RPS24: variants seen among roughly 807,000 people sequenced by gnomAD.
The protein encoded by RPS24 is ribosomal protein S24.
For synonymous variants in RPS24, 72 were observed against 55.6 expected (o/e 1.30, Z -1.31); for missense variants, 100 against 162.5 (o/e 0.62, Z 2.09).
chr10:78,050,425 A>T (rs1385215203), intron 4 of RPS24, among the ~76,000 whole-genome samples: 1 of 152,196 alleles, frequency 6.6e-6, no homozygotes, highest in African/African-American at 2.4e-5. Context: ...CACCACTCCC[A>T]CCGCTGAGAC....
At position 78,035,696 on chromosome 10, in the gene RPS24, T is replaced by G. The variant is rs1383599809; in HGVS notation, c.255T>G (p.Asn85Lys). The G allele has an allele frequency of 6.2e-7, 1 of 1,601,628 alleles. No individual in the cohort carries two copies. The highest frequency in any genetic ancestry group is 1.7e-5 in the Admixed American group (1 of 60,012). The change falls in exon 3 of 6, where the codon AAT becomes AAG. Residue 85 changes from asparagine to lysine, a missense_variant. By Grantham distance (94) the Asn-to-Lys change is moderately conservative. Coordinates refer to ENST00000372360, the MANE Select transcript of RPS24 (RefSeq NM_033022.4). ...IYDSLDYAKK[N>K]EPKHRLARHG... ...ATTCCCTGGATTATGCAAAGAAAAA[T>G]GAACCCAAACATAGACTTGCAAGAG...
intron 4 of RPS24, among the ~76,000 whole-genome samples, chr10:78,054,202 G>A (rs974191036): frequency 6.6e-6 from 1 of 152,128 alleles, no homozygotes; most frequent in Non-Finnish European, 1.5e-5. Context: ...GCTGGCACTG[G>A]CCATGAAGAA....
rs1589331036 is a variant in RPS24, at chr10:78,040,481, T to C, written c.*20-134T>C. The C allele has an allele frequency of 4.6e-5, 36 of 787,138 alleles. No individual in the cohort carries two copies. In the South Asian group the frequency reaches 5.1e-4, roughly 11 times the overall value. 48.8% of individuals were successfully genotyped at this position (787,138 alleles called of 1,614,324 possible). On this transcript the variant is annotated intron_variant, in intron 5 of 5. Transcript: ENST00000372360. Reference sequence around the variant, plus strand: ...ATTTCTTGATGCTTTCATTGTGTTATGATAACATCAAAATAACTTGATATT... The same window carrying C: ...ATTTCTTGATGCTTTCATTGTGTTACGATAACATCAAAATAACTTGATATT...
At chr10:78,034,067 G>T (rs1847801733) in intron 1 of RPS24, 163 bp downstream of exon 1, 1 of 875,414 alleles carries the variant, frequency 1.1e-6, no homozygotes, top group Non-Finnish European at 1.9e-6. Flanking sequence ...TTGGCAGGGC[G>T]TCCGGGCTGG....
At chr10:78,036,983 G>A (rs1308441488) in intron 3 of RPS24, among the ~76,000 whole-genome samples, 1 of 152,152 alleles carries the variant, frequency 6.6e-6, no homozygotes, top group African/African-American at 2.4e-5. Flanking sequence ...AATGTTGAGT[G>A]GACCATTTGT....
Position 78,035,493 on chromosome 10 carries a change from C to G in RPS24, c.70-18C>G, listed in dbSNP as rs770433628. ...GTATTTTATCATACTGAATGCTAAA[C>G]TTGATATCTCCTTTTAGGTCATTGA... On this transcript the variant is annotated intron_variant, in intron 2 of 5. Coordinates refer to ENST00000372360, the MANE Select transcript of RPS24 (RefSeq NM_033022.4). 1 of 1,613,310 alleles carries G rather than the reference C, an allele frequency of 6.2e-7. No homozygotes were observed.
chr10:78,043,292 C>T (rs146059491), downstream of RPS24, among the ~76,000 whole-genome samples: 59 of 152,250 alleles, frequency 3.9e-4, no homozygotes, highest in African/African-American at 9.6e-4. Context: ...TGTGAGCCAC[C>T]GTGCCCGGCC....
intron 4 of RPS24, among the ~76,000 whole-genome samples, chr10:78,051,328 A>G (rs1235047871): frequency 6.6e-6 from 1 of 152,232 alleles, no homozygotes; most frequent in African/African-American, 2.4e-5. Context: ...CTTCATATAA[A>G]TGAAATCATA....
intron 4 of RPS24, among the ~76,000 whole-genome samples, chr10:78,052,452 C>T (rs998198345): frequency 1.3e-5 from 2 of 152,092 alleles, no homozygotes; most frequent in African/African-American, 4.8e-5. Context: ...GTATATATTA[C>T]CTTTTGTCCT....
At chr10:78,046,464 T>C (rs1016422569) in intron 4 of RPS24, among the ~76,000 whole-genome samples, 3 of 150,736 alleles carry the variant, frequency 2.0e-5, no homozygotes, top group Non-Finnish European at 4.4e-5. Context: ...GTTCAAGTGA[T>C]TCTCCTGCCT....
intron 4 of RPS24, among the ~76,000 whole-genome samples, chr10:78,051,978 G>A (rs1169347213): frequency 6.6e-6 from 1 of 151,960 alleles, no homozygotes; most frequent in African/African-American, 2.4e-5. Flanking sequence ...TATATGGTTT[G>A]CAAATATTTT....
chr10:78,037,436 C>T, intron 4 of RPS24, 132 bp downstream of exon 4: 2 of 1,394,024 alleles, frequency 1.4e-6, no homozygotes, highest in Non-Finnish European at 1.9e-6. Context: ...TTCTGGATTA[C>T]AGAAGGTAAC....
intron 4 of RPS24, among the ~76,000 whole-genome samples, chr10:78,048,453 A>T (rs1205387674): frequency 6.6e-6 from 1 of 152,140 alleles, no homozygotes; most frequent in African/African-American, 2.4e-5. Flanking sequence ...CTGCCTGGGC[A>T]GGAAATCTCC....
In RPS24 at chr10:78,040,241, T is replaced by C. The variant is rs1301903099; in HGVS notation, c.*19+16T>C. ...TGGATCACAGGTATAATTCAAGCTT[T>C]TCATGTAGTCATGTAGATCACTAGA... On this transcript the variant is annotated intron_variant, in intron 5 of 5. Transcript: ENST00000372360. 6.2e-7 allele frequency: 1 copy of C among 1,610,426 alleles called. No homozygotes were observed. Among genetic ancestry groups the C allele is most frequent in the South Asian group, 1.1e-5 (1 of 91,004 alleles).
At chr10:78,054,820 C>G (rs1483230147) in exon 5 of RPS24, 1 of 1,551,686 alleles carries the variant, frequency 6.4e-7, no homozygotes, top group Non-Finnish European at 8.7e-7. Context: ...CCTGCCTCAC[C>G]TGCTCCTGCT....
intron 4 of RPS24, among the ~76,000 whole-genome samples, chr10:78,054,153 A>G (rs1262400093): frequency 1.3e-5 from 2 of 152,196 alleles, no homozygotes; most frequent in East Asian, 3.9e-4. Flanking sequence ...GAGTCTGGGC[A>G]GGCAGAGGAG....
chr10:78,040,527 G>C, intron 5 of RPS24, 88 bp from the exon 6 acceptor site: 1 of 925,662 alleles, frequency 1.1e-6, no homozygotes, highest in South Asian at 1.3e-5. Flanking sequence ...AATAATTGTT[G>C]TGCATGAGTG....
At chr10:78,042,549 C>T (rs1334500906), downstream of RPS24, among the ~76,000 whole-genome samples, 1 of 152,194 alleles carries the variant, frequency 6.6e-6, no homozygotes, top group Non-Finnish European at 1.5e-5. Context: ...ATTGTAGGCC[C>T]TCACAGTAAC....
At chr10:78,039,762 C>T in intron 4 of RPS24, 1 of 181,286 alleles carries the variant, frequency 5.5e-6, no homozygotes, top group Non-Finnish European at 1.2e-5. Flanking sequence ...AAAGACTTGC[C>T]TGATCATTTA....
Sources: allele counts gnomAD v4.1 joint callset (sites outside exome capture counted in the v4.1 genomes callset), GRCh38; gene constraint gnomAD v4.1.1; transcripts MANE v1.5; gene names NCBI Gene and HGNC (gene_info 2026-07-23, HGNC 2026-07-21).